FRMD4B: variants seen among roughly 807,000 people sequenced by gnomAD.
FRMD4B encodes FERM domain-containing protein 4B.
In FRMD4B, 74 loss-of-function variants were observed where a neutral mutation model predicts 141.5. The observed-to-expected ratio is 0.52, with a 90% CI of 0.43 to 0.63. The LOEUF (loss-of-function observed/expected upper bound fraction) is 0.63. Ranked by LOEUF, FRMD4B falls within the 30% of genes least tolerant of loss-of-function variation. The pLI is 0.00. For synonymous variants in FRMD4B, 506 were observed against 467.9 expected, an observed-to-expected ratio of 1.08 and a Z score of -1.05; for missense variants, 1,366 against 1,253.4, an observed-to-expected ratio of 1.09 and a Z score of -1.36.
chr3:69,483,809 C>A (rs1311629982), intron 1 of FRMD4B, among the ~76,000 whole-genome samples: 1 of 152,140 alleles, frequency 6.6e-6, no homozygotes, highest in African/African-American at 2.4e-5. Context: ...ATTACGATGA[C>A]CTTATCAAAA....
rs370068433 is a variant in FRMD4B, at chr3:69,190,048, A to G, written c.1715-96T>C. 20 of 690,994 alleles carry G rather than the reference A, an allele frequency of 2.9e-5. No homozygotes were observed. The African/African-American group carries it at 3.1e-4, about 11-fold the overall frequency. 42.8% of individuals were successfully genotyped at this position (690,994 alleles called of 1,614,324 possible). On this transcript the variant is annotated intron_variant, in intron 17 of 22. Coordinates refer to ENST00000398540, the MANE Select transcript of FRMD4B (RefSeq NM_015123.3). ...TTTTCAATGGAATGCATTTTCATTTAAATAAATGTAATTAATTACAGTGCA... is the reference window on the plus strand; with the variant it reads ...TTTTCAATGGAATGCATTTTCATTTGAATAAATGTAATTAATTACAGTGCA...
chr3:69,213,213 C>T (rs972497624), intron 11 of FRMD4B, among the ~76,000 whole-genome samples: 1 of 152,036 alleles, frequency 6.6e-6, no homozygotes, highest in African/African-American at 2.4e-5. Context: ...TATACACTGA[C>T]AAAATCTAAA....
intron 1 of FRMD4B, among the ~76,000 whole-genome samples, chr3:69,382,563 AT>A (rs1413596800): frequency 3.3e-5 from 5 of 152,064 alleles, no homozygotes; most frequent in Admixed American, 1.3e-4. Flanking sequence ...AAAGTAGTGA[AT>A]TTTTTTCCCA....
intron 2 of FRMD4B, among the ~76,000 whole-genome samples, chr3:69,410,812 C>A (rs1704749331): frequency 6.8e-6 from 1 of 146,022 alleles, no homozygotes; most frequent in South Asian, 2.2e-4. Flanking sequence ...AGGCTGGAAT[C>A]TGGAGGTATG....
Position 69,213,081 on chromosome 3 carries a change from A to G in FRMD4B, c.876+3182T>C, listed in dbSNP as rs147482401. Among the ~76,000 whole-genome samples the G allele has an allele frequency of 4.4e-3, 670 of 152,344 alleles. 3 individuals carry two copies. The highest frequency in any genetic ancestry group is 6.8e-3 in the Non-Finnish European group (463 of 68,030). On this transcript the variant is annotated intron_variant, in intron 11 of 22. Coordinates refer to ENST00000398540, the MANE Select transcript of FRMD4B (RefSeq NM_015123.3). ...TAAATAAATTATGTATTTCCACATC[A>G]TGAAGCACTAGGCAGCTTTAAAAAA...
chr3:69,368,648 C>A (rs577995547), intron 1 of FRMD4B, among the ~76,000 whole-genome samples: 2 of 152,316 alleles, frequency 1.3e-5, no homozygotes, highest in Admixed American at 6.5e-5. Flanking sequence ...GGCATACTCC[C>A]ACTTCACAGA....
chr3:69,439,661 T>C (rs1201780421), intron 1 of FRMD4B, among the ~76,000 whole-genome samples: 1 of 152,202 alleles, frequency 6.6e-6, no homozygotes, highest in Non-Finnish European at 1.5e-5. Flanking sequence ...TTTAGAAGTC[T>C]AACTAGGGAA....
intron 1 of FRMD4B, among the ~76,000 whole-genome samples, chr3:69,496,369 G>C (rs933860921): frequency 6.6e-6 from 1 of 152,062 alleles, no homozygotes; most frequent in Non-Finnish European, 1.5e-5. Context: ...GAATGACCCA[G>C]GACTGGCCAA....
chr3:69,212,868 G>A (rs1299166075), intron 11 of FRMD4B, among the ~76,000 whole-genome samples: 1 of 152,152 alleles, frequency 6.6e-6, no homozygotes, highest in Admixed American at 6.5e-5. Flanking sequence ...AGAGAAATAA[G>A]TTAGCAAAAA....
chr3:69,270,453 G>T (rs960510135), intron 5 of FRMD4B, among the ~76,000 whole-genome samples: 1 of 152,198 alleles, frequency 6.6e-6, no homozygotes, highest in Non-Finnish European at 1.5e-5. Context: ...AAGATGGACA[G>T]AAATAGTTGG....
intron 1 of FRMD4B, among the ~76,000 whole-genome samples, chr3:69,456,244 C>CATAA: frequency 1.3e-5 from 1 of 76,362 alleles, no homozygotes; most frequent in East Asian, 7.1e-4. Context: ...AAAGTGTTTG[C>CATAA]ACAAAGTAAG....
At chr3:69,383,862 T>A (rs1170712083) in intron 1 of FRMD4B, among the ~76,000 whole-genome samples, 1 of 152,250 alleles carries the variant, frequency 6.6e-6, no homozygotes, top group East Asian at 1.9e-4. Context: ...GCCCAACCGT[T>A]ATCTTTTCTT....
chr3:69,365,513 T>TGTTTTG (rs1559831571), intron 1 of FRMD4B, among the ~76,000 whole-genome samples: 57 of 148,158 alleles, frequency 3.8e-4, no homozygotes, highest in African/African-American at 1.4e-3. Context: ...TTGTTTTTTT[T>TGTTTTG]CTTTTTTTTG....
chr3:69,247,686 T>C (rs747665405), intron 7 of FRMD4B, among the ~76,000 whole-genome samples: 1 of 152,152 alleles, frequency 6.6e-6, no homozygotes, highest in Non-Finnish European at 1.5e-5. Context: ...TCTCGCTCTT[T>C]TGCCCAGGCC....
At chr3:69,265,679 C>T (rs1161284541) in intron 5 of FRMD4B, among the ~76,000 whole-genome samples, 1 of 151,884 alleles carries the variant, frequency 6.6e-6, no homozygotes, top group Non-Finnish European at 1.5e-5. Flanking sequence ...GATCTCCTGA[C>T]ATCGTGATCC....
At chr3:69,472,193 T>C (rs971597313) in intron 1 of FRMD4B, 2 of 268,246 alleles carry the variant, frequency 7.5e-6, no homozygotes, top group Non-Finnish European at 1.6e-5. Context: ...AGATCAAGGA[T>C]AGCATTTACA....
At chr3:69,496,356 C>T (rs1706386952) in intron 1 of FRMD4B, among the ~76,000 whole-genome samples, 4 of 152,048 alleles carry the variant, frequency 2.6e-5, no homozygotes, top group African/African-American at 7.2e-5. Flanking sequence ...CTTTCTGCTC[C>T]AGGAATGACC....
intron 1 of FRMD4B, among the ~76,000 whole-genome samples, chr3:69,354,506 C>A (rs1030010136): frequency 6.6e-6 from 1 of 152,074 alleles, no homozygotes; most frequent in Non-Finnish European, 1.5e-5. Context: ...AGAGAAACCT[C>A]GTGTTTTACA....
chr3:69,291,796 C>A (rs1700883933), intron 4 of FRMD4B, among the ~76,000 whole-genome samples: 1 of 152,090 alleles, frequency 6.6e-6, no homozygotes. Context: ...ATTCAGTTTT[C>A]CTTCCGTTTT....
Sources: gnomAD v4.1 joint callset for allele counts (sites outside exome capture counted in the v4.1 genomes callset) on GRCh38, gnomAD v4.1.1 for gene constraint, MANE v1.5 for transcripts, NCBI Gene and HGNC (gene_info 2026-07-23, HGNC 2026-07-21) for gene names.